The following CUL9 variants were observed in gnomAD, a reference collection of about 807,000 sequenced individuals.
The protein encoded by CUL9 is cullin-9.
CUL9 carries 79 observed loss-of-function variants against 272.6 expected under a neutral mutation model. The ratio of observed to expected loss-of-function variants is 0.29; its 90% CI spans 0.24 to 0.35. The LOEUF (loss-of-function observed/expected upper bound fraction) is 0.35. CUL9 is among the 10% of genes least tolerant of loss of function. The probability of loss-of-function intolerance (pLI) is 1.00; values close to 1 mark genes in which losing one functional copy is unlikely to be tolerated. For synonymous variants in CUL9, 1,186 were observed against 1,286.5 expected (o/e 0.92, Z 1.67); for missense variants, 2,532 against 3,255.6 (o/e 0.78, Z 5.41).
chr6:43,196,635 C>G lies in CUL9; in HGVS notation c.2586-10C>G. On this transcript the variant is annotated splice_polypyrimidine_tract_variant and intron_variant, in intron 10 of 40. Coordinates refer to ENST00000252050, the MANE Select transcript of CUL9 (RefSeq NM_015089.4). ...TCTCAGTTTCTTCCTGGTCACCTCC[C>G]TCCTCCCAGGTGCTCTTCTGCAGCG... is the stretch of plus-strand genomic sequence containing the variant. 1 of 1,610,616 alleles carries G rather than the reference C, an allele frequency of 6.2e-7. No homozygotes were observed. The highest frequency in any genetic ancestry group is 1.7e-5 in the Admixed American group (1 of 60,016).
Position 43,206,329 on chromosome 6 carries a change from G to C in CUL9, c.5031G>C (p.Glu1677Asp). 1 of 1,614,162 alleles carries C rather than the reference G, an allele frequency of 6.2e-7. No individual in the cohort carries two copies. ...EKRLEEEEEE[E>D]EEEEAEKELF... ...ATCCTTCTGTCCCTCAGGAGGAAGAGGAGGAAGAGGAAGCTGAGAAAGAAT... is the reference window on the plus strand; with the variant it reads ...ATCCTTCTGTCCCTCAGGAGGAAGACGAGGAAGAGGAAGCTGAGAAAGAAT... The change falls in exon 26 of 41, where the codon GAG becomes GAC. Residue 1677 changes from glutamate to aspartate, a missense_variant. This residue lies in a region of CUL9 where 2,218 missense variants were observed against 2,788.6 expected (regional missense o/e 0.80). Coordinates refer to ENST00000252050, the MANE Select transcript of CUL9 (RefSeq NM_015089.4). The surrounding 1 kb of genome is among the most constrained non-coding windows in gnomAD (Gnocchi z 4.8).
chr6:43,182,948 GAAT>G (rs922737806), intron 1 of CUL9, among the ~76,000 whole-genome samples: 1 of 152,106 alleles, frequency 6.6e-6, no homozygotes, highest in African/African-American at 2.4e-5. Context: ...CTCCATCTAA[GAAT>G]AATAACAGAT....
In CUL9 at chr6:43,216,444, A is replaced by C. The variant is rs1441563984; in HGVS notation, c.6223A>C (p.Ser2075Arg). 6.2e-7 allele frequency: 1 copy of C among 1,610,948 alleles called. No homozygotes were observed. The highest frequency in any genetic ancestry group is 1.3e-5 in the African/African-American group (1 of 74,826). Residue 2075 changes from serine to arginine, a missense_variant, in exon 31 of 41, where the codon AGC (serine) becomes CGC (arginine). Ser to Arg is a moderately radical substitution (Grantham distance 110). This residue lies in a region of CUL9 where 2,218 missense variants were observed against 2,788.6 expected (regional missense o/e 0.80). Coordinates refer to ENST00000252050, the MANE Select transcript of CUL9 (RefSeq NM_015089.4). ...VRPDHCPVCVSPLGCDDDLPS... is the reference protein window; with the variant it reads ...VRPDHCPVCVRPLGCDDDLPS... ...GCCTGACCACTGCCCCGTCTGTGTG[A>C]GCCCCCTGGGGTGTGACGACGACCT... is the stretch of plus-strand genomic sequence containing the variant.
chr6:43,196,769 G>A lies in CUL9; in HGVS notation c.2710G>A (p.Ala904Thr), dbSNP rs1397627219. The change falls in exon 11 of 41, where the codon GCA becomes ACA. Residue 904 changes from alanine to threonine, a missense_variant. Around this residue, in one of 3 missense-constraint regions of CUL9, gnomAD observed 2,218 missense variants for 2,788.6 expected, o/e 0.80. Coordinates refer to ENST00000252050, the MANE Select transcript of CUL9 (RefSeq NM_015089.4). ...RDTLFRHSGI[A>T]PRTEPMPTTR... ...CACGTTGTTTAGGCACTCAGGGATA[G>A]CACCAAGAACAGAACCTATGCCTAC... 2 of 1,614,076 alleles carry A rather than the reference G, an allele frequency of 1.2e-6. No individual in the cohort carries two copies. The highest frequency in any genetic ancestry group is 1.7e-5 in the Admixed American group (1 of 60,006).
Position 43,221,895 on chromosome 6 carries a change from T to G in CUL9, c.6846+117T>G. 6 of 885,530 alleles carry G rather than the reference T, an allele frequency of 6.8e-6. No individual in the cohort carries two copies. In the South Asian group the frequency reaches 9.8e-5, roughly 14 times the overall value. The allele number at this position is 885,530 out of a possible 1,614,324, so 54.9% of individuals were successfully genotyped here. The stretch of plus-strand genomic sequence containing the variant: ...CAGTGCAGCATTCTAGCTGTTGGGA[T>G]AGAGGCTCACTGTGGGGAAGACAGA... On this transcript the variant is annotated intron_variant, in intron 35 of 40. Transcript: ENST00000252050. The surrounding 1 kb of genome is among the most constrained non-coding windows in gnomAD (Gnocchi z 4.2).
intron 29 of CUL9, among the ~76,000 whole-genome samples, chr6:43,214,419 A>G (rs1775769858): frequency 6.6e-6 from 1 of 152,136 alleles, no homozygotes; most frequent in Admixed American, 6.5e-5. Context: ...TCTGTCTCAA[A>G]AAGAAAAAAA....
At position 43,224,185 on chromosome 6, in the gene CUL9, G is replaced by A; in HGVS notation, c.7358+17G>A. On this transcript the variant is annotated intron_variant, in intron 40 of 40. Transcript: ENST00000252050. The surrounding 1 kb of genome is among the most constrained non-coding windows in gnomAD (Gnocchi z 4.2). ...TGGCAGTCAGTAAGTGGGGTGGGCA[G>A]AGCCATGGAGGAGGCAGTGGGACAT... 3 of 1,614,234 alleles carry A rather than the reference G, an allele frequency of 1.9e-6. No homozygotes were observed. Among genetic ancestry groups the A allele is most frequent in the Non-Finnish European group, 2.5e-6 (3 of 1,180,026 alleles).
chr6:43,196,784 C>T lies in CUL9; in HGVS notation c.2725C>T (p.Pro909Ser), dbSNP rs751020530. The T allele has an allele frequency of 8.9e-5, 144 of 1,614,074 alleles. No homozygotes were observed. The highest frequency in any genetic ancestry group is 1.1e-4 in the Non-Finnish European group (133 of 1,180,046). Residue 909 changes from proline (P) to serine (S), a missense_variant, in exon 11 of 41, where the codon CCT becomes TCT. Pro to Ser is a moderately conservative substitution (Grantham distance 74). Transcript: ENST00000252050. Reference sequence around the variant, plus strand: ...CTCAGGGATAGCACCAAGAACAGAACCTATGCCTACCACACGCACCATCCT... The same window carrying T: ...CTCAGGGATAGCACCAAGAACAGAATCTATGCCTACCACACGCACCATCCT... The part of the protein sequence containing the change: ...RHSGIAPRTE[P>S]MPTTRTILMM...
chr6:43,222,957 G>T, intron 38 of CUL9, 61 bp downstream of exon 38: 1 of 1,419,202 alleles, frequency 7.0e-7, no homozygotes, highest in Non-Finnish European at 9.9e-7. Flanking sequence ...GCACAGCCCG[G>T]CCCCTCCCAG....
chr6:43,186,765 A>T (rs1772955002), intron 4 of CUL9, among the ~76,000 whole-genome samples, 195 bp from the exon 5 acceptor site: 1 of 152,142 alleles, frequency 6.6e-6, no homozygotes, highest in East Asian at 1.9e-4. Flanking sequence ...ATGGTTAAGA[A>T]AAGAGGCAGG....
Position 43,223,835 on chromosome 6 carries a change from C to A in CUL9, c.7285-260C>A. 1.8e-6 allele frequency: 1 copy of A among 551,610 alleles called. No homozygotes were observed. Among genetic ancestry groups the A allele is most frequent in the Non-Finnish European group, 3.3e-6 (1 of 306,570 alleles). The allele number at this position is 551,610 out of a possible 1,614,324, so 34.2% of individuals were successfully genotyped here. A position where few individuals can be genotyped will look rare whatever the true frequency, so the allele number is the denominator to read the frequency against. On this transcript the variant is annotated intron_variant, in intron 39 of 40. Coordinates refer to ENST00000252050, the MANE Select transcript of CUL9 (RefSeq NM_015089.4). This position sits in a 1 kb window ranked among gnomAD's most constrained non-coding sequence, Gnocchi z 4.1. ...GTCCTGTCCTCAGGTTGCTTACTGA[C>A]TGGTAAGTCACATGGGCAGAAAAGA...
intron 29 of CUL9, 130 bp downstream of exon 29, chr6:43,214,042 G>C (rs1775737512): frequency 4.5e-6 from 4 of 880,794 alleles, no homozygotes; most frequent in Non-Finnish European, 7.1e-6. Context: ...TTCTGTTCCT[G>C]ACAGAGCAGA....
chr6:43,193,140 A>G lies in CUL9; in HGVS notation c.2320A>G (p.Ile774Val). 6.2e-7 allele frequency: 1 copy of G among 1,614,208 alleles called. No homozygotes were observed. Among genetic ancestry groups the G allele is most frequent in the Middle Eastern group, 1.6e-4 (1 of 6,062 alleles). ...WRPLFAREGGIYAVLVCMQEY... is the reference protein window; with the variant it reads ...WRPLFAREGGVYAVLVCMQEY... ...GCCGCTCTTTGCCAGGGAGGGTGGC[A>G]TCTATGCTGTGCTGGTCTGCATGCA... Residue 774 changes from isoleucine to valine, a missense_variant, in exon 9 of 41, where the codon ATC (isoleucine) becomes GTC (valine). Physicochemically the swap from Ile to Val is conservative, Grantham distance 29. Coordinates refer to ENST00000252050, the MANE Select transcript of CUL9 (RefSeq NM_015089.4).
chr6:43,210,910 GGATT>G (rs1306500922), intron 26 of CUL9, among the ~76,000 whole-genome samples: 3 of 151,838 alleles, frequency 2.0e-5, no homozygotes, highest in South Asian at 4.2e-4. Context: ...TTCTTCTTTT[GGATT>G]GATTGATTGT....
intron 4 of CUL9, 168 bp from the exon 5 acceptor site, chr6:43,186,792 G>C: frequency 2.5e-6 from 2 of 796,526 alleles, no homozygotes; most frequent in Non-Finnish European, 3.9e-6. Context: ...TCCTGATAAG[G>C]GAAGGAAGCC....
chr6:43,182,277 A>G (rs1438999303), intron 1 of CUL9, 28 bp downstream of exon 1: 1 of 152,102 alleles, frequency 6.6e-6, no homozygotes, highest in Admixed American at 6.5e-5. Context: ...CGCCGACCCA[A>G]TCCCTCCCCT....
chr6:43,193,601 C>T (rs539807675), intron 9 of CUL9, among the ~76,000 whole-genome samples: 1 of 152,194 alleles, frequency 6.6e-6, no homozygotes, highest in South Asian at 2.1e-4. Flanking sequence ...GGCTGGAGTG[C>T]AGTGGCGCTA....
At chr6:43,196,325 G>A (rs766237279) in intron 10 of CUL9, 60 bp downstream of exon 10, 2 of 1,494,940 alleles carry the variant, frequency 1.3e-6, no homozygotes, top group Non-Finnish European at 1.8e-6. Context: ...TGCTACTCCT[G>A]TGCTCCAGGC....
At position 43,221,785 on chromosome 6, in the gene CUL9, C is replaced by A; in HGVS notation, c.6846+7C>A. On this transcript the variant is annotated splice_region_variant and intron_variant, in intron 35 of 40. Transcript: ENST00000252050. This position sits in a 1 kb window ranked among gnomAD's most constrained non-coding sequence, Gnocchi z 4.2. ...TTACAACTGCTCTGCCATGGTAAGG[C>A]GCTGGGCACTAGGGGAGGGCAGAGG... 1 of 1,610,004 alleles carries A rather than the reference C, an allele frequency of 6.2e-7. No homozygotes were observed.
Sources: allele counts gnomAD v4.1 joint callset (sites outside exome capture counted in the v4.1 genomes callset), GRCh38; gene constraint gnomAD v4.1.1; regional missense constraint gnomAD v4.1.1; non-coding constraint Gnocchi (gnomAD v3.1); transcripts MANE v1.5; gene names NCBI Gene and HGNC (gene_info 2026-07-23, HGNC 2026-07-21).